Variants in CRYBG3 observed in about 807,000 individuals in gnomAD.
The protein encoded by CRYBG3 is very large A-kinase anchor protein.
CRYBG3 carries 127 observed loss-of-function variants against 244.2 expected under a neutral mutation model. The ratio of observed to expected loss-of-function variants is 0.52; its 90% CI spans 0.45 to 0.60. The LOEUF is 0.60. Among genes scored for constraint, CRYBG3 ranks in the 20% least tolerant of loss-of-function variants. The probability of loss-of-function intolerance (pLI) is 0.00; values close to 1 mark genes in which losing one functional copy is unlikely to be tolerated. For missense variants in CRYBG3, 3,325 were observed against 3,442.5 expected (o/e 0.97, Z 0.85); for synonymous variants, 1,132 against 1,195.8 (o/e 0.95, Z 1.10).
rs181562648 is a variant in CRYBG3, at chr3:97,898,718, A to C, written c.7702-165A>C. Among the ~76,000 whole-genome samples the C allele has an allele frequency of 5.3e-5, 8 of 152,302 alleles. No homozygotes were observed. The East Asian group carries it at 1.5e-3, about 29-fold the overall frequency. ...TCAGGCTGATTTTTTCCTTTAAACT[A>C]TATGGAAGTAATAGCTATAAAATTG... On this transcript the variant is annotated intron_variant, in intron 12 of 21. Transcript: ENST00000389622.
At chr3:97,823,436 G>A (rs2108146711) in intron 1 of CRYBG3, among the ~76,000 whole-genome samples, 1 of 152,300 alleles carries the variant, frequency 6.6e-6, no homozygotes, top group Middle Eastern at 3.4e-3. Context: ...TCGTTTGTGT[G>A]TTCCTCGGTT....
At chr3:97,942,027 T>A (rs552668170) in intron 20 of CRYBG3, 109 of 283,010 alleles carry the variant, frequency 3.9e-4, no homozygotes, top group South Asian at 8.0e-4. Context: ...TTATTGAACA[T>A]CTGTTGTCAG....
At position 97,886,800 on chromosome 3, in the gene CRYBG3, G is replaced by T. The variant is rs758568827; in HGVS notation, c.7289+33G>T. Reference sequence around the variant, plus strand: ...TCAGTTCCTTTTTATTATAGTGATTGATGGCCACCAATTTCATATTTCAAT... The same window carrying T: ...TCAGTTCCTTTTTATTATAGTGATTTATGGCCACCAATTTCATATTTCAAT... On this transcript the variant is annotated intron_variant, in intron 8 of 21. Coordinates refer to ENST00000389622, the MANE Select transcript of CRYBG3 (RefSeq NM_153605.4). 16 of 1,492,642 alleles carry T rather than the reference G, an allele frequency of 1.1e-5. No homozygotes were observed. In the South Asian group the frequency reaches 2.2e-4, roughly 20 times the overall value. 92.5% of individuals were successfully genotyped at this position (1,492,642 alleles called of 1,614,324 possible). A position where few individuals can be genotyped will look rare whatever the true frequency, so the allele number is the denominator to read the frequency against.
At chr3:97,887,342 C>T (rs2039520560) in intron 8 of CRYBG3, among the ~76,000 whole-genome samples, 1 of 152,170 alleles carries the variant, frequency 6.6e-6, no homozygotes, top group Non-Finnish European at 1.5e-5. Context: ...ATATCTGGCT[C>T]AACATGAAAC....
At chr3:97,887,878 A>G (rs1171451420) in intron 8 of CRYBG3, among the ~76,000 whole-genome samples, 1 of 152,224 alleles carries the variant, frequency 6.6e-6, no homozygotes, top group Non-Finnish European at 1.5e-5. Context: ...TTGGGAATCC[A>G]ATTGCAAATA....
At chr3:97,837,576 G>T (rs2038752189) in intron 1 of CRYBG3, among the ~76,000 whole-genome samples, 1 of 152,140 alleles carries the variant, frequency 6.6e-6, no homozygotes, top group Non-Finnish European at 1.5e-5. Flanking sequence ...TTTGAGCGGG[G>T]TTGGAAACAA....
chr3:97,845,436 G>A (rs1040981102), intron 2 of CRYBG3, among the ~76,000 whole-genome samples: 81 of 151,898 alleles, frequency 5.3e-4, no homozygotes, highest in African/African-American at 3.6e-4. Context: ...TACTAACATC[G>A]GCGGCTACTT....
At chr3:97,880,897 C>T (rs1315868758) in intron 6 of CRYBG3, among the ~76,000 whole-genome samples, 175 bp from the exon 7 acceptor site, 1 of 152,052 alleles carries the variant, frequency 6.6e-6, no homozygotes, top group Admixed American at 6.6e-5. Context: ...TTTTTCTTTA[C>T]TGTTCGCCTG....
chr3:97,852,889 G>A (rs763668985), intron 2 of CRYBG3, among the ~76,000 whole-genome samples: 3 of 152,024 alleles, frequency 2.0e-5, no homozygotes, highest in Admixed American at 6.6e-5. Flanking sequence ...GTGTGATATC[G>A]CATTGTGGTT....
intron 17 of CRYBG3, among the ~76,000 whole-genome samples, chr3:97,932,671 C>A (rs1435627103): frequency 1.3e-5 from 2 of 152,076 alleles, no homozygotes; most frequent in Admixed American, 6.6e-5. Flanking sequence ...GGGAATAGAT[C>A]TGTCTCTGTC....
chr3:97,897,495 A>T (rs1308793850), intron 12 of CRYBG3, among the ~76,000 whole-genome samples: 1 of 151,992 alleles, frequency 6.6e-6, no homozygotes, highest in African/African-American at 2.4e-5. Flanking sequence ...CAAGCAGAAG[A>T]GCTACATTTA....
chr3:97,908,217 T>C (rs1007072228), intron 15 of CRYBG3, among the ~76,000 whole-genome samples: 1 of 152,162 alleles, frequency 6.6e-6, no homozygotes, highest in African/African-American at 2.4e-5. Flanking sequence ...AAAAAATGTA[T>C]ATTCTGTTGA....
At chr3:97,822,378 C>CG (rs778768906) in intron 1 of CRYBG3, 23 bp downstream of exon 1, 27 of 1,485,364 alleles carry the variant, frequency 1.8e-5, no homozygotes, top group Admixed American at 6.5e-5. Context: ...GAGGGGGTCG[C>CG]GGGGGGGCCC....
At chr3:97,938,793 T>A (rs935429806) in intron 19 of CRYBG3, among the ~76,000 whole-genome samples, 4 of 151,862 alleles carry the variant, frequency 2.6e-5, no homozygotes, top group Non-Finnish European at 5.9e-5. Context: ...ATTTTGAAAA[T>A]TTTTTATTAT....
At chr3:97,842,388 A>T (rs1283173622) in intron 1 of CRYBG3, among the ~76,000 whole-genome samples, 1 of 151,662 alleles carries the variant, frequency 6.6e-6, no homozygotes, top group Non-Finnish European at 1.5e-5. Flanking sequence ...CATAGTTGAG[A>T]CCCCCATCTC....
At chr3:97,860,811 T>C (rs138172030) in intron 2 of CRYBG3, among the ~76,000 whole-genome samples, 36 of 152,284 alleles carry the variant, frequency 2.4e-4, no homozygotes, top group Admixed American at 1.2e-3. Context: ...TTTTGACTTG[T>C]AATCTTTTTT....
intron 15 of CRYBG3, among the ~76,000 whole-genome samples, chr3:97,905,904 C>A (rs1466570298): frequency 2.1e-5 from 3 of 145,310 alleles, no homozygotes; most frequent in African/African-American, 7.6e-5. Context: ...TTTAATCCAT[C>A]TTGAATTGAT....
At chr3:97,824,295 A>G in intron 1 of CRYBG3, among the ~76,000 whole-genome samples, 1 of 152,240 alleles carries the variant, frequency 6.6e-6, no homozygotes, top group Non-Finnish European at 1.5e-5. Context: ...TTCAAAATGA[A>G]AGAGTATTTT....
Position 97,874,829 on chromosome 3 carries a change from G to A in CRYBG3, c.3635G>A (p.Arg1212Lys), listed in dbSNP as rs577087647. 8 of 1,535,904 alleles carry A rather than the reference G, an allele frequency of 5.2e-6. No homozygotes were observed. The African/African-American group carries it at 9.6e-5, about 18-fold the overall frequency. ...ATTGGTGAGATTTTTAATTCTGTCAGGGAAGAACTAAAATTCAAACACACA... is the reference window on the plus strand; with the variant it reads ...ATTGGTGAGATTTTTAATTCTGTCAAGGAAGAACTAAAATTCAAACACACA... ...TLIGEIFNSVREELKFKHTVS... is the reference protein window; with the variant it reads ...TLIGEIFNSVKEELKFKHTVS... Residue 1212 changes from arginine to lysine, a missense_variant, in exon 4 of 22, where the codon AGG becomes AAG. Around this residue, in one of 4 missense-constraint regions of CRYBG3, gnomAD observed 1,526 missense variants for 1,443.2 expected, o/e 1.06. Coordinates refer to ENST00000389622, the MANE Select transcript of CRYBG3 (RefSeq NM_153605.4).
Sources: gnomAD v4.1 joint callset for allele counts (sites outside exome capture counted in the v4.1 genomes callset) on GRCh38, gnomAD v4.1.1 for gene constraint, gnomAD v4.1.1 regional missense constraint, MANE v1.5 for transcripts, NCBI Gene and HGNC (gene_info 2026-07-23, HGNC 2026-07-21) for gene names.